Variants in KNDC1 observed in about 807,000 individuals in gnomAD.
KNDC1 encodes kinase non-catalytic C-lobe domain containing 1.
In KNDC1, 106 loss-of-function variants were observed where a neutral mutation model predicts 172.8. The observed-to-expected ratio is 0.61, with a 90% CI of 0.52 to 0.72. The LOEUF (loss-of-function observed/expected upper bound fraction) is 0.72. KNDC1 is among the 30% of genes least tolerant of loss of function. The pLI, the probability that KNDC1 is intolerant of heterozygous loss-of-function variation, is 0.00. For synonymous variants in KNDC1, 1,083 were observed against 1,062.2 expected (o/e 1.02, Z -0.38); for missense variants, 2,325 against 2,394.5 (o/e 0.97, Z 0.61).
At chr10:133,221,112 A>G (rs1175039854) in intron 29 of KNDC1, among the ~76,000 whole-genome samples, 1 of 151,492 alleles carries the variant, frequency 6.6e-6, no homozygotes, top group Non-Finnish European at 1.5e-5. Flanking sequence ...CACACTTTCC[A>G]CCCCACCCTG....
intron 29 of KNDC1, among the ~76,000 whole-genome samples, chr10:133,222,244 C>T (rs1176706749): frequency 1.3e-5 from 2 of 149,274 alleles, no homozygotes; most frequent in Admixed American, 6.7e-5. Context: ...GATCGCGCCA[C>T]CGCACTCCAG....
chr10:133,186,370 C>T lies in KNDC1; in HGVS notation c.1022C>T (p.Pro341Leu), dbSNP rs759226210. 3.7e-6 allele frequency: 6 copies of T among 1,612,772 alleles called. No individual in the cohort carries two copies. The highest frequency in any genetic ancestry group is 3.3e-5 in the South Asian group (3 of 91,084). Residue 341 changes from proline (P) to leucine (L), a missense_variant, in exon 6 of 30, where the codon CCC becomes CTC. Pro to Leu is a moderately conservative substitution (Grantham distance 98). Transcript: ENST00000304613. The stretch of plus-strand genomic sequence containing the variant: ...ATATCGGAATTATTCTCTCCGGACC[C>T]CAGGAAGGCCTTTCTGGACAGGAAA... The part of the protein sequence containing the change: ...LPISELFSPD[P>L]RKAFLDRKNG...
chr10:133,190,760 T>A (rs1202610171), intron 9 of KNDC1, among the ~76,000 whole-genome samples: 1 of 152,204 alleles, frequency 6.6e-6, no homozygotes, highest in Non-Finnish European at 1.5e-5. Context: ...CGTTCACCTT[T>A]ACACCAAGAA....
chr10:133,164,642 A>G (rs1320292465), intron 1 of KNDC1, among the ~76,000 whole-genome samples: 1 of 152,210 alleles, frequency 6.6e-6, no homozygotes, highest in Non-Finnish European at 1.5e-5. Context: ...TTACTTGAGC[A>G]CGAAGCTTCC....
chr10:133,195,334 T>C (rs1854159207), intron 9 of KNDC1, among the ~76,000 whole-genome samples: 1 of 152,218 alleles, frequency 6.6e-6, no homozygotes, highest in African/African-American at 2.4e-5. Context: ...GGGGCTATGC[T>C]GGCCAGTTCT....
intron 6 of KNDC1, among the ~76,000 whole-genome samples, chr10:133,187,121 G>A (rs1042505684): frequency 1.3e-5 from 2 of 152,250 alleles, no homozygotes; most frequent in Non-Finnish European, 2.9e-5. Context: ...GCTGTGGGTT[G>A]AGCTTGCTCA....
intron 17 of KNDC1, among the ~76,000 whole-genome samples, chr10:133,203,115 GC>G (rs1854424436): frequency 1.1e-5 from 1 of 88,026 alleles, no homozygotes; most frequent in Non-Finnish European, 3.0e-5. Context: ...ACGGCGTCCA[GC>G]GGGGAGCACT....
chr10:133,197,158 C>T (rs6537590), intron 11 of KNDC1, 23 bp downstream of exon 11: 466,716 of 1,587,424 alleles, frequency 0.29, 71,560 homozygotes, highest in Non-Finnish European at 0.32. Context: ...AGCCAGGCCG[C>T]CGCCTCCTCC....
At position 133,198,873 on chromosome 10, in the gene KNDC1, G is replaced by T; in HGVS notation, c.2365G>T (p.Ala789Ser). The T allele has an allele frequency of 1.3e-6, 2 of 1,597,782 alleles. No individual in the cohort carries two copies. The highest frequency in any genetic ancestry group is 8.5e-7 in the Non-Finnish European group (1 of 1,175,958). ...GSPVPAPPTK[A>S]SALPVEQGPA... is the part of the protein sequence containing the mutation. ...TCCAGTCCCCGCCCCGCCCACGAAG[G>T]CATCTGCGCTGCCCGTAGAGCAAGG... The change falls in exon 14 of 30, where the codon GCA (alanine) becomes TCA (serine). Residue 789 changes from alanine (A) to serine (S), a missense_variant. By Grantham distance (99) the Ala-to-Ser change is moderately conservative. Transcript: ENST00000304613.
chr10:133,169,681 G>A (rs1347718103), intron 3 of KNDC1, among the ~76,000 whole-genome samples: 1 of 152,192 alleles, frequency 6.6e-6, no homozygotes, highest in Non-Finnish European at 1.5e-5. Flanking sequence ...TGGTGGCCGG[G>A]ACATGGTGTG....
At chr10:133,202,906 G>A (rs1413575179) in intron 17 of KNDC1, among the ~76,000 whole-genome samples, 1 of 152,234 alleles carries the variant, frequency 6.6e-6, no homozygotes, top group African/African-American at 2.4e-5. Flanking sequence ...CCGGGGCTGG[G>A]GAGAGAAAAG....
chr10:133,218,747 C>A, intron 26 of KNDC1, 84 bp from the exon 27 acceptor site: 1 of 1,505,918 alleles, frequency 6.6e-7, no homozygotes, highest in Non-Finnish European at 9.0e-7. Context: ...TGTCTTGGAG[C>A]TGGGTGATTT....
chr10:133,184,617 C>G (rs1424610250), intron 5 of KNDC1, among the ~76,000 whole-genome samples: 1 of 152,264 alleles, frequency 6.6e-6, no homozygotes, highest in Non-Finnish European at 1.5e-5. Context: ...ATGCCTACCA[C>G]GTCCACTGCC....
intron 24 of KNDC1, among the ~76,000 whole-genome samples, chr10:133,213,420 G>A (rs1170295753): frequency 1.3e-5 from 2 of 152,218 alleles, no homozygotes; most frequent in East Asian, 3.8e-4. Context: ...TGCCAATCTA[G>A]TGATCCACCT....
intron 2 of KNDC1, among the ~76,000 whole-genome samples, 178 bp downstream of exon 2, chr10:133,167,757 C>T (rs1400714353): frequency 3.9e-5 from 6 of 151,992 alleles, no homozygotes; most frequent in Non-Finnish European, 5.9e-5. Context: ...GCCGAGGGTC[C>T]GTGGGGGTGC....
At chr10:133,215,267 C>T (rs562242272) in intron 26 of KNDC1, among the ~76,000 whole-genome samples, 28 of 152,344 alleles carry the variant, frequency 1.8e-4, no homozygotes, top group African/African-American at 6.5e-4. Context: ...TCTGGGGGAA[C>T]CAGGAGCTGC....
chr10:133,211,492 G>A lies in KNDC1; in HGVS notation c.3979G>A (p.Val1327Met). The A allele has an allele frequency of 2.5e-6, 4 of 1,613,946 alleles. No individual in the cohort carries two copies. Among genetic ancestry groups the A allele is most frequent in the South Asian group, 1.1e-5 (1 of 91,082 alleles). The change falls in exon 22 of 30, where the codon GTG (valine) becomes ATG (methionine). Residue 1327 changes from valine to methionine, a missense_variant. Val to Met is a conservative substitution (Grantham distance 21). Coordinates refer to ENST00000304613, the MANE Select transcript of KNDC1 (RefSeq NM_152643.8). ...GAGCCTCTGCGTCCTGCAGGCCTGGGTGGAGGACTGCTACGCTGTGGACTT... is the reference window on the plus strand; with the variant it reads ...GAGCCTCTGCGTCCTGCAGGCCTGGATGGAGGACTGCTACGCTGTGGACTT... ...RRSLCVLQAW[V>M]EDCYAVDFPR...
At chr10:133,161,144 A>G (rs185193640) in intron 1 of KNDC1, among the ~76,000 whole-genome samples, 1 of 152,016 alleles carries the variant, frequency 6.6e-6, no homozygotes, top group East Asian at 1.9e-4. Flanking sequence ...TGGACCGCCC[A>G]CCCTACAGCA....
chr10:133,170,822 T>C (rs1853355410), intron 3 of KNDC1, among the ~76,000 whole-genome samples: 1 of 152,214 alleles, frequency 6.6e-6, no homozygotes, highest in African/African-American at 2.4e-5. Context: ...TGATATCACA[T>C]CACGTGGCCC....
Sources: gnomAD v4.1 joint callset for allele counts (sites outside exome capture counted in the v4.1 genomes callset) on GRCh38, gnomAD v4.1.1 for gene constraint, MANE v1.5 for transcripts, NCBI Gene and HGNC (gene_info 2026-07-23, HGNC 2026-07-21) for gene names.